CNTNAP2: variants seen among roughly 807,000 people sequenced by gnomAD.
The protein encoded by CNTNAP2 is contactin associated protein 2.
A neutral mutation model predicts 155.2 loss-of-function variants in CNTNAP2; 98 were observed. That is an observed-to-expected ratio of 0.63 (90% confidence interval 0.54 to 0.75). The LOEUF (loss-of-function observed/expected upper bound fraction) is 0.75. Among genes scored for constraint, CNTNAP2 ranks in the 30% least tolerant of loss-of-function variants. The pLI, the probability that CNTNAP2 is intolerant of heterozygous loss-of-function variation, is 0.00. For missense variants in CNTNAP2, 1,727 were observed against 1,688.1 expected (o/e 1.02, Z -0.40); for synonymous variants, 651 against 631.2 (o/e 1.03, Z -0.47).
intron 21 of CNTNAP2, among the ~76,000 whole-genome samples, chr7:148,271,637 A>G (rs1169969572): frequency 6.6e-6 from 1 of 152,202 alleles, no homozygotes; most frequent in African/African-American, 2.4e-5. Context: ...TTCTGTTAAT[A>G]AAATTGAAGG....
rs189251442 is a variant in CNTNAP2, at chr7:146,383,239, G to A, written c.97+266266G>A. Among the ~76,000 whole-genome samples the A allele has an allele frequency of 8.7e-4, 133 of 152,206 alleles. 1 individual carries two copies. Among genetic ancestry groups the A allele is most frequent in the Non-Finnish European group, 2.9e-4 (20 of 68,004 alleles). On this transcript the variant is annotated intron_variant, in intron 1 of 23. Coordinates refer to ENST00000361727, the MANE Select transcript of CNTNAP2 (RefSeq NM_014141.6). ...ATCATAGACTGATTAATTCTGTGTTGCTTTGACTGCTAAAATGTGCTCTTC... is the reference window on the plus strand; with the variant it reads ...ATCATAGACTGATTAATTCTGTGTTACTTTGACTGCTAAAATGTGCTCTTC...
chr7:146,396,538 C>A (rs1201094045), intron 1 of CNTNAP2, among the ~76,000 whole-genome samples: 1 of 151,526 alleles, frequency 6.6e-6, no homozygotes, highest in Non-Finnish European at 1.5e-5. Flanking sequence ...AAAAAATGAA[C>A]ATTTTTTTCT....
intron 10 of CNTNAP2, among the ~76,000 whole-genome samples, chr7:147,467,170 A>G (rs4259337): frequency 0.78 from 118,552 of 151,996 alleles, 46,593 homozygotes; most frequent in African/African-American, 0.87. Context: ...GGGATGTTTC[A>G]GTTTGATTTC....
chr7:147,519,857 T>C (rs966699040), intron 11 of CNTNAP2, among the ~76,000 whole-genome samples: 4 of 152,194 alleles, frequency 2.6e-5, no homozygotes, highest in Admixed American at 2.0e-4. Context: ...AGAGTGAGAC[T>C]CCATCTCAAA....
intron 20 of CNTNAP2, among the ~76,000 whole-genome samples, chr7:148,262,648 G>C (rs12531866): frequency 2.6e-5 from 4 of 151,996 alleles, no homozygotes; most frequent in African/African-American, 4.8e-5. Flanking sequence ...TAAAGACCCT[G>C]GTGGGGACCT....
chr7:146,249,452 C>T (rs1175576029), intron 1 of CNTNAP2, among the ~76,000 whole-genome samples: 3 of 151,864 alleles, frequency 2.0e-5, no homozygotes, highest in Non-Finnish European at 4.4e-5. Context: ...GTGACTGTCA[C>T]TTGTGTGTCT....
chr7:147,978,566 G>A (rs1801470488), intron 15 of CNTNAP2, among the ~76,000 whole-genome samples: 1 of 152,094 alleles, frequency 6.6e-6, no homozygotes, highest in Admixed American at 6.6e-5. Flanking sequence ...TGCTAGCTTG[G>A]ACAGTGGGAG....
At chr7:146,357,002 G>A (rs1034644136) in intron 1 of CNTNAP2, among the ~76,000 whole-genome samples, 1 of 152,034 alleles carries the variant, frequency 6.6e-6, no homozygotes, top group Non-Finnish European at 1.5e-5. Flanking sequence ...CTGCAAAAAC[G>A]ACAGCATCCA....
At chr7:147,840,258 A>C (rs1244667430) in intron 13 of CNTNAP2, among the ~76,000 whole-genome samples, 1 of 152,130 alleles carries the variant, frequency 6.6e-6, no homozygotes, top group African/African-American at 2.4e-5. Flanking sequence ...AGACTTCCCC[A>C]CTGTACAATA....
intron 12 of CNTNAP2, 58 bp from the exon 13 acceptor site, chr7:147,639,048 T>G (rs111696151): frequency 1.3e-6 from 2 of 1,533,296 alleles, no homozygotes; most frequent in African/African-American, 2.7e-5. Flanking sequence ...TTTTCTGACA[T>G]TTGGAGAAGC....
intron 21 of CNTNAP2, among the ~76,000 whole-genome samples, chr7:148,275,996 G>A (rs1796864778): frequency 6.6e-6 from 1 of 152,100 alleles, no homozygotes; most frequent in Admixed American, 6.5e-5. Flanking sequence ...TCAGAATGGT[G>A]GAAAGTCGGA....
At chr7:147,384,146 C>A (rs1345501153) in intron 9 of CNTNAP2, among the ~76,000 whole-genome samples, 1 of 152,110 alleles carries the variant, frequency 6.6e-6, no homozygotes, top group Non-Finnish European at 1.5e-5. Context: ...AAGAGTATGG[C>A]TGAAACATGG....
chr7:146,684,652 A>AAAAAAAAAG (rs1800563902), intron 1 of CNTNAP2, among the ~76,000 whole-genome samples: 1 of 151,076 alleles, frequency 6.6e-6, no homozygotes, highest in Non-Finnish European at 1.5e-5. Flanking sequence ...AAAAAAAAAA[A>AAAAAAAAAG]AAAAAAAGCT....
chr7:147,287,857 C>A (rs1002788878), intron 8 of CNTNAP2, among the ~76,000 whole-genome samples: 1 of 152,104 alleles, frequency 6.6e-6, no homozygotes, highest in Admixed American at 6.6e-5. Flanking sequence ...GCTTCCAAAA[C>A]GTGAAAAATC....
At chr7:146,149,591 G>C (rs111277290) in intron 1 of CNTNAP2, among the ~76,000 whole-genome samples, 2,322 of 152,122 alleles carry the variant, frequency 0.015, 54 homozygotes, top group African/African-American at 0.052. Flanking sequence ...TCCAGAACTA[G>C]ATCCACGCAG....
At chr7:146,428,564 T>G (rs1202165210) in intron 1 of CNTNAP2, among the ~76,000 whole-genome samples, 2 of 152,084 alleles carry the variant, frequency 1.3e-5, no homozygotes, top group African/African-American at 4.8e-5. Context: ...AGTATCTGTT[T>G]ATGTTCATTG....
At chr7:146,783,471 T>C (rs560470087) in intron 2 of CNTNAP2, among the ~76,000 whole-genome samples, 1 of 152,258 alleles carries the variant, frequency 6.6e-6, no homozygotes, top group East Asian at 1.9e-4. Flanking sequence ...TGACTGGGAG[T>C]TTTATAAAAT....
chr7:147,692,072 T>A (rs1796094924), intron 13 of CNTNAP2, among the ~76,000 whole-genome samples: 1 of 152,148 alleles, frequency 6.6e-6, no homozygotes, highest in Non-Finnish European at 1.5e-5. Context: ...GTTTCCATGG[T>A]TTTGCCTTTT....
intron 17 of CNTNAP2, among the ~76,000 whole-genome samples, chr7:148,158,926 T>C (rs1805459334): frequency 6.6e-6 from 1 of 152,242 alleles, no homozygotes; most frequent in Non-Finnish European, 1.5e-5. Flanking sequence ...AAAAAGATTG[T>C]AATAAAATAA....
Sources: gnomAD v4.1 joint callset for allele counts (sites outside exome capture counted in the v4.1 genomes callset) on GRCh38, gnomAD v4.1.1 for gene constraint, MANE v1.5 for transcripts, NCBI Gene and HGNC (gene_info 2026-07-23, HGNC 2026-07-21) for gene names.